The following GNA13 variants were observed in gnomAD, a reference collection of about 807,000 sequenced individuals.
GNA13 encodes the protein guanine nucleotide-binding protein subunit alpha-13.
GNA13 carries 4 observed loss-of-function variants against 33.5 expected under a neutral mutation model. That is an observed-to-expected ratio of 0.12 (90% CI 0.06 to 0.27). The LOEUF (loss-of-function observed/expected upper bound fraction) is 0.27, where lower values mean the gene tolerates loss of function less well. Ranked by LOEUF, GNA13 falls within the 10% of genes least tolerant of loss-of-function variation. The probability of loss-of-function intolerance (pLI) is 1.00; values close to 1 mark genes in which losing one functional copy is unlikely to be tolerated. For synonymous variants in GNA13, 176 were observed against 183.8 expected (o/e 0.96, Z 0.34); for missense variants, 319 against 487.2 (o/e 0.65, Z 3.25).
chr17:65,043,694 T>G (rs1194257178), intron 2 of GNA13, among the ~76,000 whole-genome samples: 3 of 152,048 alleles, frequency 2.0e-5, no homozygotes, highest in African/African-American at 7.2e-5. Context: ...AACAAAAATA[T>G]CTGTAGGCCA....
Position 65,010,118 on chromosome 17 carries a change from C to T in GNA13, c.*4139G>A, listed in dbSNP as rs550960229. Among the ~76,000 whole-genome samples the T allele has an allele frequency of 1.3e-5, 2 of 152,304 alleles. No individual in the cohort carries two copies. Among genetic ancestry groups the T allele is most frequent in the South Asian group, 4.1e-4 (2 of 4,828 alleles). ...AAAACAATGTTCATATAAGCTCTCG[C>T]ATTTGAAACCAGATGGTAAGACCTG... On this transcript the variant is annotated 3_prime_UTR_variant, in exon 4 of 4. Coordinates refer to ENST00000439174, the MANE Select transcript of GNA13 (RefSeq NM_006572.6).
At chr17:65,055,783 T>G in intron 1 of GNA13, 1 of 985,364 alleles carries the variant, frequency 1.0e-6, no homozygotes, top group South Asian at 4.7e-5. Context: ...TTGCGACGGT[T>G]CCAGAACTCG....
intron 1 of GNA13, 62 bp downstream of exon 1, chr17:65,056,249 G>GC: frequency 1.0e-5 from 8 of 774,832 alleles, no homozygotes; most frequent in Non-Finnish European, 1.4e-5. Context: ...GCCCCGCCCC[G>GC]CACCCGCCGC....
At chr17:65,045,507 CA>C (rs369520601) in intron 2 of GNA13, among the ~76,000 whole-genome samples, 7 of 86,974 alleles carry the variant, frequency 8.0e-5, no homozygotes, top group Middle Eastern at 8.3e-3. Context: ...GACTCTGTCT[CA>C]AAAAAAAAAA....
chr17:65,048,712 T>C (rs1907756744), intron 2 of GNA13, among the ~76,000 whole-genome samples: 2 of 152,220 alleles, frequency 1.3e-5, no homozygotes, highest in Non-Finnish European at 2.9e-5. Flanking sequence ...GCTAAAAACC[T>C]AAGCTGTGTT....
intron 2 of GNA13, chr17:65,053,251 T>C (rs1437266418): frequency 2.2e-6 from 1 of 451,676 alleles, no homozygotes; most frequent in Non-Finnish European, 3.9e-6. Context: ...AAGTCTAAAC[T>C]AGAAATTCAT....
chr17:65,047,406 G>C (rs764536166), intron 2 of GNA13, among the ~76,000 whole-genome samples: 15 of 152,014 alleles, frequency 9.9e-5, no homozygotes, highest in South Asian at 8.3e-4. Context: ...TATTAATAAA[G>C]TAAGATAAAA....
Position 65,014,198 on chromosome 17 carries a change from AAAC to A in GNA13, c.*56_*58del, listed in dbSNP as rs1906284487. 1.9e-6 allele frequency: 2 copies of A among 1,033,562 alleles called. No individual in the cohort carries two copies. Among genetic ancestry groups the A allele is most frequent in the Non-Finnish European group, 2.9e-6 (2 of 688,984 alleles). 64.0% of individuals were successfully genotyped at this position (1,033,562 alleles called of 1,614,324 possible). A position where few individuals can be genotyped will look rare whatever the true frequency, so the allele number is the denominator to read the frequency against. On this transcript the variant is annotated 3_prime_UTR_variant, in exon 4 of 4. Coordinates refer to ENST00000439174, the MANE Select transcript of GNA13 (RefSeq NM_006572.6). The surrounding 1 kb of genome is among the most constrained non-coding windows in gnomAD (Gnocchi z 5.3). ...TTGTAAACTGCTATTTTAAAAAACA[AAAC>A]AAACAGAAAACATCAAAAACACAAA... is the stretch of plus-strand genomic sequence containing the variant.
At chr17:65,056,128 G>A (rs1174188661) in intron 1 of GNA13, among the ~76,000 whole-genome samples, 183 bp downstream of exon 1, 1 of 151,836 alleles carries the variant, frequency 6.6e-6, no homozygotes, top group East Asian at 1.9e-4. Context: ...CTCGCCCTGG[G>A]GCGCGAGGGC....
intron 2 of GNA13, among the ~76,000 whole-genome samples, chr17:65,027,008 C>A (rs1369587782): frequency 1.3e-5 from 2 of 152,124 alleles, no homozygotes; most frequent in African/African-American, 4.8e-5. Context: ...GAACTCCCGG[C>A]CTCAGGTGAT....
intron 2 of GNA13, among the ~76,000 whole-genome samples, chr17:65,041,237 G>T (rs1442673640): frequency 6.6e-6 from 1 of 152,142 alleles, no homozygotes; most frequent in Non-Finnish European, 1.5e-5. Flanking sequence ...AAAGAGAAAA[G>T]AAATGGCCTA....
intron 1 of GNA13, chr17:65,055,820 A>AGGGAGTT: frequency 2.1e-6 from 2 of 951,428 alleles, no homozygotes. Context: ...CCAAGGAAGC[A>AGGGAGTT]GGGAGTTGGG....
rs1056470596 is a variant in GNA13 at position 65,011,735 on chromosome 17, C to T, written c.*2522G>A. 4.4e-6 allele frequency: 1 copy of T among 227,710 alleles called. No individual in the cohort carries two copies. The highest frequency in any genetic ancestry group is 8.7e-6 in the Non-Finnish European group (1 of 114,674). The allele number at this position is 227,710 out of a possible 1,614,324, so 14.1% of individuals were successfully genotyped here. ...TAAAGATTTAGAAAATCAAATACAT[C>T]AAAGAACTTTAAATCTAAATTACTT... On this transcript the variant is annotated 3_prime_UTR_variant, in exon 4 of 4. Transcript: ENST00000439174.
chr17:65,051,888 T>C (rs1245343191), intron 2 of GNA13: 1 of 152,128 alleles, frequency 6.6e-6, no homozygotes, highest in Non-Finnish European at 1.5e-5. Context: ...GATACAAACA[T>C]GATAGAAGAG....
rs79974442 is a variant in GNA13 at position 65,043,153 on chromosome 17, G to A, written c.510+10349C>T. Among the ~76,000 whole-genome samples the A allele has an allele frequency of 5.7e-3, 863 of 152,248 alleles. 8 individuals are homozygous for A. Among genetic ancestry groups the A allele is most frequent in the African/African-American group, 0.02 (825 of 41,526 alleles). Reference sequence around the variant, plus strand: ...ACACAGCGAGTGGCAGCCGGAAGACGAACTCTGGCTGCTGCCTTACTCCAC... The same window carrying A: ...ACACAGCGAGTGGCAGCCGGAAGACAAACTCTGGCTGCTGCCTTACTCCAC... On this transcript the variant is annotated intron_variant, in intron 2 of 3. Coordinates refer to ENST00000439174, the MANE Select transcript of GNA13 (RefSeq NM_006572.6).
chr17:65,041,146 T>C (rs1036418639), intron 2 of GNA13, among the ~76,000 whole-genome samples: 5 of 152,204 alleles, frequency 3.3e-5, no homozygotes, highest in African/African-American at 1.2e-4. Context: ...GTAACCAAGA[T>C]GTTGAAAAGG....
intron 2 of GNA13, among the ~76,000 whole-genome samples, chr17:65,044,585 GA>G (rs1387603993): frequency 6.7e-6 from 1 of 150,308 alleles, no homozygotes; most frequent in African/African-American, 2.5e-5. Context: ...AGAATTAATC[GA>G]ACCCAGGAAT....
Position 65,010,801 on chromosome 17 carries a change from A to C in GNA13, c.*3456T>G, listed in dbSNP as rs191493853. 5.2e-5 allele frequency: 11 copies of C among 211,366 alleles called. No homozygotes were observed. The highest frequency in any genetic ancestry group is 2.0e-4 in the African/African-American group (9 of 44,174). The allele number at this position is 211,366 out of a possible 1,614,324, so 13.1% of individuals were successfully genotyped here. On this transcript the variant is annotated 3_prime_UTR_variant, in exon 4 of 4. Coordinates refer to ENST00000439174, the MANE Select transcript of GNA13 (RefSeq NM_006572.6). ...TCACGGATTCAAACAAGAAATTAAC[A>C]CTGATATTTAGCCTTCTCATGACAT... is the stretch of plus-strand genomic sequence containing the variant.
In GNA13 at chr17:65,042,133, T is replaced by C. The variant is rs192756169; in HGVS notation, c.510+11369A>G. Among the ~76,000 whole-genome samples the C allele has an allele frequency of 9.1e-3, 1,382 of 151,908 alleles. 10 individuals carry two copies. Among genetic ancestry groups the C allele is most frequent in the Non-Finnish European group, 0.013 (880 of 67,942 alleles). Reference sequence around the variant, plus strand: ...CCGCACTTAGGGAGGTCAAGGCAGGTGGGTCACCTGAGGTCAGGAGTTCAA... The same window carrying C: ...CCGCACTTAGGGAGGTCAAGGCAGGCGGGTCACCTGAGGTCAGGAGTTCAA... On this transcript the variant is annotated intron_variant, in intron 2 of 3. Transcript: ENST00000439174.
Sources: gnomAD v4.1 joint callset for allele counts (sites outside exome capture counted in the v4.1 genomes callset) on GRCh38, gnomAD v4.1.1 for gene constraint, Gnocchi (gnomAD v3.1) non-coding constraint, MANE v1.5 for transcripts, NCBI Gene and HGNC (gene_info 2026-07-23, HGNC 2026-07-21) for gene names.